The following PAK1 variants were observed in gnomAD, a reference collection of about 807,000 sequenced individuals.
PAK1 encodes the protein p21 (RAC1) activated kinase 1.
PAK1 carries 29 observed loss-of-function variants against 67.4 expected under a neutral mutation model. That is an observed-to-expected ratio of 0.43 (90% CI 0.32 to 0.59). The LOEUF (loss-of-function observed/expected upper bound fraction) is 0.59. PAK1 is among the 20% of genes least tolerant of loss of function. The probability of loss-of-function intolerance (pLI) is 0.07; values close to 1 mark genes in which losing one functional copy is unlikely to be tolerated. For synonymous variants in PAK1, 223 were observed against 237.4 expected, an observed-to-expected ratio of 0.94 and a Z score of 0.56; for missense variants, 337 against 670.7, an observed-to-expected ratio of 0.50 and a Z score of 5.50.
At chr11:77,326,869 G>A (rs1034915872) in intron 14 of PAK1, among the ~76,000 whole-genome samples, 2 of 152,086 alleles carry the variant, frequency 1.3e-5, no homozygotes, top group Admixed American at 1.3e-4. Context: ...CAATGGCAAA[G>A]AAGTTAAAAG....
At chr11:77,515,277 C>T in the PAK1 span, among the ~76,000 whole-genome samples, 2 of 152,106 alleles carry the variant, frequency 1.3e-5, no homozygotes, top group African/African-American at 4.8e-5. Flanking sequence ...GTCCTTTATG[C>T]CTCATTTTTC....
At chr11:77,469,752 G>A (rs1592594191) in intron 1 of PAK1, among the ~76,000 whole-genome samples, 1 of 151,660 alleles carries the variant, frequency 6.6e-6, no homozygotes, top group East Asian at 1.9e-4. Flanking sequence ...TGGTGTGGGA[G>A]AATGTTTTTA....
chr11:77,435,978 G>A (rs539248476), intron 1 of PAK1, among the ~76,000 whole-genome samples: 1 of 152,284 alleles, frequency 6.6e-6, no homozygotes, highest in East Asian at 1.9e-4. Flanking sequence ...GTAAGAAGGC[G>A]CTAGAGTATG....
upstream of PAK1, among the ~76,000 whole-genome samples, chr11:77,477,313 T>G (rs1225200253): frequency 3.3e-5 from 5 of 151,876 alleles, no homozygotes; most frequent in Admixed American, 6.5e-5. Context: ...TAAATAAGAG[T>G]TGAGTTCCTG....
intron 2 of PAK1, among the ~76,000 whole-genome samples, chr11:77,387,335 A>G (rs576338966): frequency 6.6e-6 from 1 of 152,302 alleles, no homozygotes; most frequent in Non-Finnish European, 1.5e-5. Context: ...GGCCTCCCAA[A>G]CTTCTGGGGT....
At chr11:77,488,763 G>C in the PAK1 span, among the ~76,000 whole-genome samples, 1 of 151,632 alleles carries the variant, frequency 6.6e-6, no homozygotes, top group Non-Finnish European at 1.5e-5. Context: ...AAAGAAAAAA[G>C]AATTTTTTAA....
At chr11:77,402,636 C>T (rs989367567) in intron 1 of PAK1, among the ~76,000 whole-genome samples, 1 of 152,110 alleles carries the variant, frequency 6.6e-6, no homozygotes, top group Non-Finnish European at 1.5e-5. Flanking sequence ...CATAAAGGGG[C>T]CACTTCGTTC....
At chr11:77,346,440 C>A (rs187465149) in intron 9 of PAK1, among the ~76,000 whole-genome samples, 1 of 152,334 alleles carries the variant, frequency 6.6e-6, no homozygotes, top group Admixed American at 6.5e-5. Flanking sequence ...CTTGACCAAT[C>A]ACAAGCTCTC....
At chr11:77,379,462 T>A (rs1178175216) in intron 3 of PAK1, 74 bp from the exon 4 acceptor site, 42 of 1,423,488 alleles carry the variant, frequency 3.0e-5, no homozygotes, top group Non-Finnish European at 3.8e-5. Flanking sequence ...AGAGCTAACT[T>A]TGACACTTGC....
Position 77,429,056 on chromosome 11 carries a change from TAAAAAAAAAAAAAAAAA to T in PAK1, c.-21-36532_-21-36516del, listed in dbSNP as rs566874549. 8.2e-3 allele frequency among the ~76,000 whole-genome samples: 402 copies of T among 48,968 alleles called. 9 individuals carry two copies. Among genetic ancestry groups the T allele is most frequent in the East Asian group, 0.078 (94 of 1,200 alleles). The allele number at this position is 48,968 out of a possible 152,430, so 32.1% of individuals were successfully genotyped here. ...TTGGATTCTAAATGCCATTTAATACTAAAAAAAAAAAAAAAAAAAAAAAAAAAAAAAAAAAAAACACA... is the reference window on the plus strand; with the variant it reads ...TTGGATTCTAAATGCCATTTAATACTAAAAAAAAAAAAAAAAAAAAACACA... On this transcript the variant is annotated intron_variant, in intron 1 of 14. Coordinates refer to ENST00000356341, the MANE Select transcript of PAK1 (RefSeq NM_002576.5).
intron 1 of PAK1, among the ~76,000 whole-genome samples, chr11:77,422,998 C>A (rs1447745616): frequency 6.6e-6 from 1 of 152,050 alleles, no homozygotes; most frequent in Non-Finnish European, 1.5e-5. Context: ...GTATCCCACC[C>A]TATACAAGCA....
intron 1 of PAK1, among the ~76,000 whole-genome samples, chr11:77,426,318 G>A (rs898265887): frequency 2.0e-5 from 3 of 151,964 alleles, no homozygotes; most frequent in African/African-American, 7.3e-5. Context: ...GTGAAATTAT[G>A]GCATATACTA....
intron 1 of PAK1, among the ~76,000 whole-genome samples, chr11:77,456,884 G>A (rs1957105363): frequency 6.6e-6 from 1 of 152,098 alleles, no homozygotes; most frequent in Non-Finnish European, 1.5e-5. Context: ...TGGGACTACA[G>A]GCGTGCACCA....
the PAK1 span, among the ~76,000 whole-genome samples, chr11:77,494,005 T>C: frequency 2.3e-4 from 35 of 152,154 alleles, no homozygotes; most frequent in Non-Finnish European, 2.4e-4. Flanking sequence ...AAATGAACAC[T>C]CTCATACAAT....
At chr11:77,474,263 C>A (rs1370446049), upstream of PAK1, 4 of 151,542 alleles carry the variant, frequency 2.6e-5, no homozygotes, top group African/African-American at 9.7e-5. Context: ...CGCCCCGCCT[C>A]CCGCAGGTGA....
intron 1 of PAK1, among the ~76,000 whole-genome samples, chr11:77,464,877 T>C (rs1051391092): frequency 6.6e-6 from 1 of 152,228 alleles, no homozygotes; most frequent in African/African-American, 2.4e-5. Context: ...ATTCCAAGTA[T>C]GGTTTCTACT....
chr11:77,449,927 T>C (rs114252820), intron 1 of PAK1, among the ~76,000 whole-genome samples: 197 of 152,286 alleles, frequency 1.3e-3, no homozygotes, highest in African/African-American at 4.4e-3. Flanking sequence ...TCTGAAAGCA[T>C]AGACAAGCAT....
chr11:77,363,012 C>G (rs1565617711), intron 5 of PAK1, among the ~76,000 whole-genome samples: 1 of 152,038 alleles, frequency 6.6e-6, no homozygotes, highest in Non-Finnish European at 1.5e-5. Flanking sequence ...TCAACATGAT[C>G]AAAACCAGCT....
Position 77,353,579 on chromosome 11 carries a change from C to T in PAK1, c.793G>A (p.Asp265Asn), listed in dbSNP as rs1392857529. 7 of 1,609,930 alleles carry T rather than the reference C, an allele frequency of 4.3e-6. No homozygotes were observed. Among genetic ancestry groups the T allele is most frequent in the Non-Finnish European group, 5.1e-6 (6 of 1,176,318 alleles). ...EKLRSIVSVGDPKKKYTRFEK... is the reference protein window; with the variant it reads ...EKLRSIVSVGNPKKKYTRFEK... ...AACCGTGTATATTTCTTCTTAGGAT[C>T]GCCCACACTCACTATGCTTCCTTTG... is the stretch of plus-strand genomic sequence containing the variant. The change falls in exon 8 of 15, where the codon GAT becomes AAT. Residue 265 changes from aspartate (D) to asparagine (N), a missense_variant. Physicochemically the swap from Asp to Asn is conservative, Grantham distance 23 (BLOSUM62 1). This residue lies in a region of PAK1 where 150 missense variants were observed against 179.0 expected (regional missense o/e 0.84). Coordinates refer to ENST00000356341, the MANE Select transcript of PAK1 (RefSeq NM_002576.5).
Sources: allele counts gnomAD v4.1 joint callset (sites outside exome capture counted in the v4.1 genomes callset), GRCh38; gene constraint gnomAD v4.1.1; regional missense constraint gnomAD v4.1.1; transcripts MANE v1.5; gene names NCBI Gene and HGNC (gene_info 2026-07-23, HGNC 2026-07-21).